The following FKBP9 variants were observed in gnomAD, a reference collection of about 807,000 sequenced individuals.
FKBP9 encodes FKBP prolyl isomerase 9.
A neutral mutation model predicts 55.6 loss-of-function variants in FKBP9; 27 were observed. That is an observed-to-expected ratio of 0.49 (90% CI 0.36 to 0.67). FKBP9 has a LOEUF of 0.67. Ranked by LOEUF, FKBP9 falls within the 30% of genes least tolerant of loss-of-function variation. FKBP9 has a pLI of 0.00. For synonymous variants in FKBP9, 267 were observed against 296.5 expected (o/e 0.90, Z 1.02); for missense variants, 539 against 742.8 (o/e 0.73, Z 3.19).
chr7:32,959,659 TA>T (rs1282773553), intron 1 of FKBP9, among the ~76,000 whole-genome samples: 2 of 152,220 alleles, frequency 1.3e-5, no homozygotes, highest in Non-Finnish European at 2.9e-5. Flanking sequence ...GAATCCACTT[TA>T]TGTCTCTATG....
At chr7:33,004,855 A>G (rs977639636) in intron 9 of FKBP9, among the ~76,000 whole-genome samples, 2 of 151,580 alleles carry the variant, frequency 1.3e-5, no homozygotes, top group Non-Finnish European at 2.9e-5. Context: ...ATGTTCTTAC[A>G]GTCTTGGGTG....
At chr7:32,971,670 T>A (rs200581393) in intron 1 of FKBP9, among the ~76,000 whole-genome samples, 3 of 152,132 alleles carry the variant, frequency 2.0e-5, no homozygotes, top group Admixed American at 2.0e-4. Context: ...TTAGTAGAGA[T>A]GGGATTTCAC....
intron 1 of FKBP9, among the ~76,000 whole-genome samples, chr7:32,958,555 A>C (rs189413436): frequency 6.6e-6 from 1 of 152,004 alleles, no homozygotes; most frequent in East Asian, 1.9e-4. Context: ...CAGCACTTTG[A>C]GAGAACGAGG....
intron 8 of FKBP9, among the ~76,000 whole-genome samples, chr7:33,000,930 A>G (rs1376417813): frequency 2.6e-5 from 4 of 151,906 alleles, no homozygotes; most frequent in Non-Finnish European, 4.4e-5. Context: ...ACAGGCATGC[A>G]CCACCTCGCC....
At chr7:32,969,595 C>G (rs1242277353) in intron 1 of FKBP9, among the ~76,000 whole-genome samples, 2 of 152,070 alleles carry the variant, frequency 1.3e-5, no homozygotes, top group African/African-American at 4.8e-5. Context: ...GTATTTGGGT[C>G]AGTACCATGC....
intron 8 of FKBP9, among the ~76,000 whole-genome samples, chr7:33,000,671 T>C (rs1784913380): frequency 6.6e-6 from 1 of 151,998 alleles, no homozygotes; most frequent in Non-Finnish European, 1.5e-5. Context: ...CAGTTTCCTT[T>C]GGGAGAGATT....
intron 1 of FKBP9, among the ~76,000 whole-genome samples, chr7:32,971,410 A>G (rs1358161036): frequency 2.0e-5 from 3 of 152,186 alleles, no homozygotes; most frequent in Admixed American, 1.3e-4. Flanking sequence ...CATCAAATGA[A>G]GAAGTTAATA....
intron 7 of FKBP9, among the ~76,000 whole-genome samples, chr7:32,999,371 G>A (rs55755919): frequency 0.034 from 5,192 of 152,020 alleles, 290 homozygotes; most frequent in African/African-American, 0.12. Context: ...CATAGATTTT[G>A]GCGTAGATTT....
At chr7:32,970,339 G>T (rs1328723069) in intron 1 of FKBP9, among the ~76,000 whole-genome samples, 1 of 152,048 alleles carries the variant, frequency 6.6e-6, no homozygotes, top group Non-Finnish European at 1.5e-5. Flanking sequence ...TGGTATTACA[G>T]GCATATGCCA....
At chr7:32,962,194 A>T (rs1376278610) in intron 1 of FKBP9, among the ~76,000 whole-genome samples, 12 of 152,030 alleles carry the variant, frequency 7.9e-5, no homozygotes. Flanking sequence ...GGAGTTGGAG[A>T]CCAGCCTGAC....
chr7:32,964,057 G>T (rs968530688), intron 1 of FKBP9, among the ~76,000 whole-genome samples: 2 of 152,212 alleles, frequency 1.3e-5, no homozygotes, highest in Non-Finnish European at 2.9e-5. Flanking sequence ...GCCAGGTCAG[G>T]ACATGCTAAC....
chr7:32,986,392 G>A (rs1054225403), intron 5 of FKBP9, among the ~76,000 whole-genome samples: 8 of 152,230 alleles, frequency 5.3e-5, no homozygotes, highest in African/African-American at 1.7e-4. Flanking sequence ...GTCTGGCAGT[G>A]GCTGCACATT....
intron 3 of FKBP9, 112 bp from the exon 4 acceptor site, chr7:32,976,242 T>C (rs1029887874): frequency 1.9e-5 from 22 of 1,176,520 alleles, no homozygotes; most frequent in South Asian, 2.7e-5. Context: ...ATCTCTAGGA[T>C]GGGTATGGGA....
rs763710734 is a variant in FKBP9 at position 32,996,534 on chromosome 7, C to T, written c.1226+185C>T. The stretch of plus-strand genomic sequence containing the variant: ...AAGAGTTTCCTATTAATGGTCTTGC[C>T]CTGCTGCAGGTCATTTTTCACCCCA... On this transcript the variant is annotated intron_variant, in intron 7 of 9. Transcript: ENST00000242209. 3.7e-4 allele frequency among the ~76,000 whole-genome samples: 56 copies of T among 152,176 alleles called. 1 individual carries two copies. Among genetic ancestry groups the T allele is most frequent in the Non-Finnish European group, 6.5e-4 (44 of 68,032 alleles).
chr7:32,993,141 G>T, intron 6 of FKBP9: 1 of 232,578 alleles, frequency 4.3e-6, no homozygotes, highest in Non-Finnish European at 8.5e-6. Context: ...TCTTGGAGGG[G>T]AGATTATATT....
In FKBP9 at chr7:32,957,845, C is replaced by T. The variant is rs1407843171; in HGVS notation, c.221+51C>T. 8 of 1,329,052 alleles carry T rather than the reference C, an allele frequency of 6.0e-6. No individual in the cohort carries two copies. The South Asian group carries it at 8.3e-5, about 14-fold the overall frequency. 82.3% of individuals were successfully genotyped at this position (1,329,052 alleles called of 1,614,324 possible). On this transcript the variant is annotated intron_variant, in intron 1 of 9. Coordinates refer to ENST00000242209, the MANE Select transcript of FKBP9 (RefSeq NM_007270.5). ...GGCCTCAGCGGATGCGCGTCCCTCT[C>T]TCCGGACAGGCCTTTCCCTCCTGCC... is the stretch of plus-strand genomic sequence containing the variant.
At chr7:32,992,990 C>T (rs1784714122) in intron 6 of FKBP9, 2 of 231,646 alleles carry the variant, frequency 8.6e-6, no homozygotes, top group African/African-American at 2.2e-5. Flanking sequence ...TCGACCTCTA[C>T]ACTGGTTGGA....
At chr7:32,966,360 C>G (rs542443105) in intron 1 of FKBP9, among the ~76,000 whole-genome samples, 66 of 152,102 alleles carry the variant, frequency 4.3e-4, no homozygotes, top group African/African-American at 1.5e-3. Context: ...GAGGGTGCTA[C>G]AGACAACTTT....
intron 6 of FKBP9, among the ~76,000 whole-genome samples, chr7:32,990,446 G>A (rs7357309): frequency 0.16 from 24,449 of 152,090 alleles, 2,341 homozygotes; most frequent in Admixed American, 0.31. Context: ...AGGGGAATCC[G>A]TTTGCGTTGT....
Sources: gnomAD v4.1 joint callset for allele counts (sites outside exome capture counted in the v4.1 genomes callset) on GRCh38, gnomAD v4.1.1 for gene constraint, MANE v1.5 for transcripts, NCBI Gene and HGNC (gene_info 2026-07-23, HGNC 2026-07-21) for gene names.